PTPRT: variants seen among roughly 807,000 people sequenced by gnomAD.
PTPRT encodes the protein receptor-type tyrosine-protein phosphatase T.
A neutral mutation model predicts 176.8 loss-of-function variants in PTPRT; 56 were observed. The observed-to-expected ratio is 0.32, with a 90% confidence interval of 0.26 to 0.40. The LOEUF is 0.40. Ranked by LOEUF, PTPRT falls within the 10% of genes least tolerant of loss-of-function variation. The pLI is 1.00. For synonymous variants in PTPRT, 783 were observed against 739.0 expected (o/e 1.06, Z -0.96); for missense variants, 1,540 against 1,908.2 (o/e 0.81, Z 3.60).
intron 7 of PTPRT, among the ~76,000 whole-genome samples, chr20:42,490,276 CAG>C (rs2071539287): frequency 6.6e-6 from 1 of 152,094 alleles, no homozygotes; most frequent in African/African-American, 2.4e-5. Flanking sequence ...AAAAACTTAA[CAG>C]AAATTTTTAT....
chr20:42,174,695 C>T (rs967961534), intron 16 of PTPRT, among the ~76,000 whole-genome samples: 9 of 152,126 alleles, frequency 5.9e-5, no homozygotes, highest in Admixed American at 3.9e-4. Flanking sequence ...CTGAGAGGCT[C>T]ACACAATACT....
chr20:42,563,365 A>G (rs901542312), intron 7 of PTPRT, among the ~76,000 whole-genome samples: 4 of 152,186 alleles, frequency 2.6e-5, no homozygotes, highest in African/African-American at 9.6e-5. Flanking sequence ...TAGTTTTCAG[A>G]CAATTGATGG....
intron 9 of PTPRT, among the ~76,000 whole-genome samples, chr20:42,388,699 T>C (rs1470916836): frequency 1.3e-5 from 2 of 152,208 alleles, no homozygotes; most frequent in Non-Finnish European, 2.9e-5. Flanking sequence ...AGTTCAACCA[T>C]TGTGGAAGAC....
At position 42,455,259 on chromosome 20, in the gene PTPRT, A is replaced by T. The variant is rs186413748; in HGVS notation, c.1451-6930T>A. 3.9e-5 allele frequency among the ~76,000 whole-genome samples: 6 copies of T among 152,334 alleles called. No individual in the cohort carries two copies. In the East Asian group the frequency reaches 1.2e-3, roughly 29 times the overall value. On this transcript the variant is annotated intron_variant, in intron 8 of 30. Coordinates refer to ENST00000373187, the MANE Select transcript of PTPRT (RefSeq NM_007050.6). ...TCTTTCTGTACTTGTCTTGTTATGG[A>T]TTAGAGAGTCAATGAGTCAGTGCTG...
chr20:42,032,481 C>A, the PTPRT span, among the ~76,000 whole-genome samples: 1 of 152,090 alleles, frequency 6.6e-6, no homozygotes, highest in African/African-American at 2.4e-5. Flanking sequence ...GAGAGCTGCT[C>A]AACAAGCAGA....
intron 7 of PTPRT, among the ~76,000 whole-genome samples, chr20:42,656,916 A>G (rs2075134695): frequency 6.6e-6 from 1 of 152,090 alleles, no homozygotes; most frequent in African/African-American, 2.4e-5. Context: ...CAAGTCACCC[A>G]TCACTCCAAC....
At chr20:42,868,150 T>A (rs2078782630) in intron 2 of PTPRT, among the ~76,000 whole-genome samples, 1 of 151,722 alleles carries the variant, frequency 6.6e-6, no homozygotes, top group African/African-American at 2.4e-5. Flanking sequence ...CTGCAAAGAG[T>A]CTAGATTATT....
At chr20:42,743,286 T>C (rs733977) in intron 6 of PTPRT, among the ~76,000 whole-genome samples, 9,022 of 152,272 alleles carry the variant, frequency 0.059, 395 homozygotes, top group East Asian at 0.18. Flanking sequence ...GCAAGCACAT[T>C]TCATTTTAAA....
At chr20:42,888,086 T>A (rs2079131961) in intron 1 of PTPRT, among the ~76,000 whole-genome samples, 1 of 152,164 alleles carries the variant, frequency 6.6e-6, no homozygotes, top group Admixed American at 6.5e-5. Flanking sequence ...AACTTTCTAT[T>A]TTTTAAATAA....
In PTPRT at chr20:42,075,374, G is replaced by A. The variant is rs1172278984; in HGVS notation, c.*5505C>T. The A allele has an allele frequency of 4.4e-6, 1 of 228,132 alleles. No individual in the cohort carries two copies. Among genetic ancestry groups the A allele is most frequent in the Non-Finnish European group, 8.7e-6 (1 of 115,162 alleles). The allele number at this position is 228,132 out of a possible 1,614,324, so 14.1% of individuals were successfully genotyped here. A position where few individuals can be genotyped will look rare whatever the true frequency, so the allele number is the denominator to read the frequency against. On this transcript the variant is annotated 3_prime_UTR_variant, in exon 31 of 31. Transcript: ENST00000373187. ...AGTTGGGTTGACCATTTTTTTCCCTGGGGATCCTGGCCCAGCACAACCTGT... is the reference window on the plus strand; with the variant it reads ...AGTTGGGTTGACCATTTTTTTCCCTAGGGATCCTGGCCCAGCACAACCTGT...
At chr20:42,548,414 G>C (rs2072712339) in intron 7 of PTPRT, among the ~76,000 whole-genome samples, 1 of 152,016 alleles carries the variant, frequency 6.6e-6, no homozygotes, top group South Asian at 2.1e-4. Flanking sequence ...CAATAAAAAA[G>C]TGATGGACAG....
intron 1 of PTPRT, among the ~76,000 whole-genome samples, chr20:43,182,453 T>A (rs1042052351): frequency 1.3e-5 from 2 of 151,926 alleles, no homozygotes; most frequent in Admixed American, 1.3e-4. Flanking sequence ...TACAGTGGCA[T>A]GATCTCAGTT....
chr20:42,061,444 T>G, the PTPRT span, among the ~76,000 whole-genome samples: 2 of 152,210 alleles, frequency 1.3e-5, no homozygotes, highest in African/African-American at 4.8e-5. Context: ...TTAAATAAGA[T>G]AAATATGATT....
chr20:42,390,939 C>T (rs1256098071), intron 9 of PTPRT, among the ~76,000 whole-genome samples: 2 of 152,034 alleles, frequency 1.3e-5, no homozygotes, highest in Non-Finnish European at 2.9e-5. Context: ...GAGTTTGCAA[C>T]CTTATTTTAT....
intron 2 of PTPRT, among the ~76,000 whole-genome samples, chr20:42,823,154 T>C (rs1298583681): frequency 6.6e-6 from 1 of 152,084 alleles, no homozygotes; most frequent in South Asian, 2.1e-4. Flanking sequence ...CCATCAATGA[T>C]AGACCGGATA....
At chr20:42,118,224 G>A (rs1334050355) in intron 21 of PTPRT, among the ~76,000 whole-genome samples, 179 bp downstream of exon 21, 2 of 152,144 alleles carry the variant, frequency 1.3e-5, no homozygotes, top group Admixed American at 6.5e-5. Flanking sequence ...GGGATGAAGG[G>A]GATTTGAAGG....
chr20:42,600,830 A>T (rs2145789067), intron 7 of PTPRT, among the ~76,000 whole-genome samples: 1 of 152,260 alleles, frequency 6.6e-6, no homozygotes, highest in Non-Finnish European at 1.5e-5. Context: ...TATATATGCA[A>T]CACATTTTCT....
chr20:43,181,883 A>G (rs1032508047), intron 1 of PTPRT, among the ~76,000 whole-genome samples: 2 of 152,154 alleles, frequency 1.3e-5, no homozygotes, highest in African/African-American at 4.8e-5. Context: ...GACTCTCTCA[A>G]GGAGGTCTGG....
rs149167475 is a variant in PTPRT, at chr20:42,987,766, T to C, written c.89-101834A>G. ...AAAATTCACCCATACAGATAAACAA[T>C]AGTTGCAGTAATTATCATAACCTCT... On this transcript the variant is annotated intron_variant, in intron 1 of 30. Coordinates refer to ENST00000373187, the MANE Select transcript of PTPRT (RefSeq NM_007050.6). Among the ~76,000 whole-genome samples the C allele has an allele frequency of 3.3e-5, 5 of 151,866 alleles. No individual in the cohort carries two copies. In the East Asian group the frequency reaches 9.7e-4, roughly 29 times the overall value.
Sources: allele counts gnomAD v4.1 joint callset (sites outside exome capture counted in the v4.1 genomes callset), GRCh38; gene constraint gnomAD v4.1.1; transcripts MANE v1.5; gene names NCBI Gene and HGNC (gene_info 2026-07-23, HGNC 2026-07-21).